PLPP4: variants seen among roughly 807,000 people sequenced by gnomAD.
The protein encoded by PLPP4 is diacylglycerol pyrophosphate like 2.
A neutral mutation model predicts 32.2 loss-of-function variants in PLPP4; 20 were observed. That is an observed-to-expected ratio of 0.62 (90% CI 0.44 to 0.90). The LOEUF (loss-of-function observed/expected upper bound fraction) is 0.90. Ranked by LOEUF, PLPP4 falls within the 40% of genes least tolerant of loss-of-function variation. The probability of loss-of-function intolerance (pLI) is 0.00; values close to 1 mark genes in which losing one functional copy is unlikely to be tolerated. For synonymous variants in PLPP4, 127 were observed against 133.0 expected (o/e 0.95, Z 0.31); for missense variants, 257 against 353.1 (o/e 0.73, Z 2.18).
chr10:120,475,930 C>T (rs186924859), intron 1 of PLPP4, among the ~76,000 whole-genome samples: 1 of 152,272 alleles, frequency 6.6e-6, no homozygotes, highest in Admixed American at 6.5e-5. Context: ...ACTAATCTCA[C>T]TTAAGATAAT....
At chr10:120,587,978 A>C (rs1849838500) in intron 6 of PLPP4, among the ~76,000 whole-genome samples, 1 of 152,212 alleles carries the variant, frequency 6.6e-6, no homozygotes, top group African/African-American at 2.4e-5. Flanking sequence ...TCAGACAGTC[A>C]TGTGGTTATC....
intron 1 of PLPP4, among the ~76,000 whole-genome samples, chr10:120,471,871 T>G (rs1848532166): frequency 6.6e-6 from 1 of 152,014 alleles, no homozygotes; most frequent in Admixed American, 6.5e-5. Flanking sequence ...ACCTCCTATA[T>G]TGAATTGTTA....
intron 5 of PLPP4, among the ~76,000 whole-genome samples, chr10:120,543,052 G>T (rs1847428411): frequency 1.3e-5 from 2 of 152,188 alleles, no homozygotes; most frequent in Admixed American, 1.3e-4. Context: ...AGGACGGTGG[G>T]TGAGTGTGGG....
intron 5 of PLPP4, among the ~76,000 whole-genome samples, chr10:120,574,166 A>ACTCTCT (rs1849087940): frequency 2.1e-5 from 1 of 47,976 alleles, no homozygotes; most frequent in African/African-American, 8.5e-5. Flanking sequence ...ACACACACAC[A>ACTCTCT]CACTCTCTCT....
At chr10:120,493,850 G>A (rs1291876221) in intron 1 of PLPP4, among the ~76,000 whole-genome samples, 2 of 152,182 alleles carry the variant, frequency 1.3e-5, no homozygotes. Flanking sequence ...GCCCAGGGGA[G>A]GAGTACACTG....
At chr10:120,523,223 A>T (rs1285620019) in intron 5 of PLPP4, among the ~76,000 whole-genome samples, 1 of 152,016 alleles carries the variant, frequency 6.6e-6, no homozygotes, top group Non-Finnish European at 1.5e-5. Context: ...AACAGCTTGA[A>T]CCAGGGGGTC....
intron 5 of PLPP4, among the ~76,000 whole-genome samples, chr10:120,573,581 A>C (rs1849042581): frequency 6.6e-6 from 1 of 152,230 alleles, no homozygotes; most frequent in African/African-American, 2.4e-5. Context: ...CATTACAAGG[A>C]AATGTCACAG....
At chr10:120,498,098 C>G (rs558963555) in intron 1 of PLPP4, among the ~76,000 whole-genome samples, 1 of 152,230 alleles carries the variant, frequency 6.6e-6, no homozygotes, top group African/African-American at 2.4e-5. Flanking sequence ...AGTAGTATGT[C>G]TTGGATTAAA....
intron 5 of PLPP4, among the ~76,000 whole-genome samples, chr10:120,567,171 A>G (rs771678511): frequency 1.3e-5 from 2 of 152,234 alleles, no homozygotes; most frequent in African/African-American, 4.8e-5. Flanking sequence ...TATTTCAAAC[A>G]AAATATATAG....
At chr10:120,504,241 C>A (rs1845395431) in intron 2 of PLPP4, among the ~76,000 whole-genome samples, 1 of 152,214 alleles carries the variant, frequency 6.6e-6, no homozygotes, top group African/African-American at 2.4e-5. Context: ...ATGGCGGGAA[C>A]ATGCTTGAAC....
intron 6 of PLPP4, among the ~76,000 whole-genome samples, chr10:120,576,999 T>C (rs1849253030): frequency 6.6e-6 from 1 of 152,230 alleles, no homozygotes; most frequent in Non-Finnish European, 1.5e-5. Context: ...AGTTTCCTCT[T>C]TGAGCACAGG....
At chr10:120,564,490 G>T (rs772302208) in intron 5 of PLPP4, among the ~76,000 whole-genome samples, 1 of 151,768 alleles carries the variant, frequency 6.6e-6, no homozygotes, top group Non-Finnish European at 1.5e-5. Flanking sequence ...TGTTAATTTG[G>T]TGTTCAGATC....
intron 1 of PLPP4, among the ~76,000 whole-genome samples, chr10:120,502,061 CA>C (rs1417232818): frequency 6.6e-6 from 1 of 152,144 alleles, no homozygotes; most frequent in East Asian, 1.9e-4. Flanking sequence ...GGGCTGATAG[CA>C]GAAGTGACTT....
chr10:120,560,904 T>TG (rs1487500149), intron 5 of PLPP4, among the ~76,000 whole-genome samples: 1 of 152,144 alleles, frequency 6.6e-6, no homozygotes, highest in Non-Finnish European at 1.5e-5. Flanking sequence ...AGTAAAATTT[T>TG]GGGGGGAGTC....
At chr10:120,586,637 G>A (rs1363432466) in intron 6 of PLPP4, among the ~76,000 whole-genome samples, 3 of 152,108 alleles carry the variant, frequency 2.0e-5, no homozygotes, top group Non-Finnish European at 2.9e-5. Flanking sequence ...ACAGCAACCC[G>A]ACCTAACCCT....
chr10:120,575,407 C>A, intron 6 of PLPP4, 106 bp downstream of exon 6: 3 of 1,232,716 alleles, frequency 2.4e-6, no homozygotes, highest in Non-Finnish European at 3.4e-6. Context: ...GCCCATTGTC[C>A]AAAACCAGAG....
chr10:120,459,759 A>G (rs1847957307), intron 1 of PLPP4, among the ~76,000 whole-genome samples: 1 of 152,160 alleles, frequency 6.6e-6, no homozygotes, highest in African/African-American at 2.4e-5. Flanking sequence ...TTCTTTGCAA[A>G]CTTATGCCCC....
intron 5 of PLPP4, among the ~76,000 whole-genome samples, chr10:120,528,502 C>T (rs1344569582): frequency 6.6e-6 from 1 of 152,214 alleles, no homozygotes; most frequent in Non-Finnish European, 1.5e-5. Flanking sequence ...TTATAACTTA[C>T]AAATGAAAGC....
chr10:120,518,994 A>G, intron 4 of PLPP4, 98 bp downstream of exon 4: 1 of 800,050 alleles, frequency 1.2e-6, no homozygotes, highest in Non-Finnish European at 2.0e-6. Context: ...ATTTGAGCTC[A>G]TCTAGTTCTC....
Sources: allele counts gnomAD v4.1 joint callset (sites outside exome capture counted in the v4.1 genomes callset), GRCh38; gene constraint gnomAD v4.1.1; transcripts MANE v1.5; gene names NCBI Gene and HGNC (gene_info 2026-07-23, HGNC 2026-07-21).